CDH12: variants seen among roughly 807,000 people sequenced by gnomAD.
The protein encoded by CDH12 is cadherin-12.
A neutral mutation model predicts 74.1 loss-of-function variants in CDH12; 41 were observed. The observed-to-expected ratio is 0.55, with a 90% confidence interval of 0.43 to 0.72. The LOEUF (loss-of-function observed/expected upper bound fraction) is 0.72, where lower values mean the gene tolerates loss of function less well. Ranked by LOEUF, CDH12 falls within the 30% of genes least tolerant of loss-of-function variation. CDH12 has a pLI of 0.00. For missense variants in CDH12, 945 were observed against 977.2 expected (o/e 0.97, Z 0.44); for synonymous variants, 399 against 355.0 (o/e 1.12, Z -1.39).
intron 3 of CDH12, among the ~76,000 whole-genome samples, chr5:22,230,548 G>T (rs188935032): frequency 6.7e-6 from 1 of 149,016 alleles, no homozygotes; most frequent in African/African-American, 2.5e-5. Flanking sequence ...CTTGACTCAC[G>T]GCAACCTCCA....
At chr5:22,576,321 C>T (rs1024935624) in intron 1 of CDH12, among the ~76,000 whole-genome samples, 1 of 152,114 alleles carries the variant, frequency 6.6e-6, no homozygotes, top group Non-Finnish European at 1.5e-5. Flanking sequence ...ACATACTTCC[C>T]AAACCCTACC....
At chr5:22,606,352 C>T (rs1737116901) in intron 1 of CDH12, among the ~76,000 whole-genome samples, 1 of 152,198 alleles carries the variant, frequency 6.6e-6, no homozygotes, top group South Asian at 2.1e-4. Flanking sequence ...GATGTAGCCA[C>T]AACTGTACTG....
intron 1 of CDH12, among the ~76,000 whole-genome samples, chr5:22,774,557 A>G (rs1031888225): frequency 6.6e-6 from 1 of 152,002 alleles, no homozygotes; most frequent in African/African-American, 2.4e-5. Context: ...TTCTTGTGAT[A>G]TTTACTAAGT....
intron 1 of CDH12, among the ~76,000 whole-genome samples, chr5:22,637,813 G>A (rs752163547): frequency 3.3e-5 from 5 of 152,140 alleles, no homozygotes; most frequent in Non-Finnish European, 7.4e-5. Context: ...GAAATTCAGT[G>A]AGAAAAAAAT....
chr5:22,021,588 C>T (rs1309974032), intron 5 of CDH12, among the ~76,000 whole-genome samples: 1 of 152,148 alleles, frequency 6.6e-6, no homozygotes, highest in Non-Finnish European at 1.5e-5. Context: ...ACTCTGAGTA[C>T]TCGTACAACC....
chr5:22,399,666 C>T (rs1241041545), intron 3 of CDH12, among the ~76,000 whole-genome samples: 1 of 152,148 alleles, frequency 6.6e-6, no homozygotes. Flanking sequence ...GAATTAACTA[C>T]ACTGCCAGCA....
chr5:21,833,346 T>C (rs1749316525), intron 8 of CDH12, among the ~76,000 whole-genome samples: 1 of 68,492 alleles, frequency 1.5e-5, no homozygotes, highest in Non-Finnish European at 2.2e-5. Context: ...TTATATAACA[T>C]ATAATATATA....
At chr5:21,873,143 T>C (rs574518359) in intron 6 of CDH12, among the ~76,000 whole-genome samples, 2 of 152,244 alleles carry the variant, frequency 1.3e-5, no homozygotes, top group East Asian at 3.9e-4. Context: ...GTGGACAGTG[T>C]GGCAATCCTC....
chr5:22,230,473 ATTT>A (rs35066570), intron 3 of CDH12, among the ~76,000 whole-genome samples: 14 of 133,600 alleles, frequency 1.0e-4, no homozygotes, highest in African/African-American at 1.1e-4. Context: ...AGATGTCATA[ATTT>A]TTTTTTTTTT....
Position 22,270,020 on chromosome 5 carries a change from T to G in CDH12, c.-332-57377A>C, listed in dbSNP as rs760063738. On this transcript the variant is annotated intron_variant, in intron 3 of 14. Transcript: ENST00000382254. ...CATATTAATGTATTTTAAAGTAGCTTTTTCATGCTATGTCATCAGACTCAC... is the reference window on the plus strand; with the variant it reads ...CATATTAATGTATTTTAAAGTAGCTGTTTCATGCTATGTCATCAGACTCAC... Among the ~76,000 whole-genome samples the G allele has an allele frequency of 9.0e-4, 137 of 152,160 alleles. 3 individuals carry two copies. The highest frequency in any genetic ancestry group is 1.8e-4 in the Non-Finnish European group (12 of 68,024).
chr5:21,949,961 C>T (rs1442463434), intron 6 of CDH12, among the ~76,000 whole-genome samples: 3 of 152,286 alleles, frequency 2.0e-5, no homozygotes, highest in Non-Finnish European at 4.4e-5. Flanking sequence ...ATGCCCTAGG[C>T]ATTTACGCTC....
At chr5:22,067,599 G>C (rs7447939) in intron 5 of CDH12, among the ~76,000 whole-genome samples, 48,388 of 151,964 alleles carry the variant, frequency 0.32, 8,937 homozygotes, top group African/African-American at 0.51. Flanking sequence ...CAGGTCCAGT[G>C]GGGGGCAGTA....
At chr5:22,515,557 A>G (rs1406117659) in intron 1 of CDH12, among the ~76,000 whole-genome samples, 1 of 152,082 alleles carries the variant, frequency 6.6e-6, no homozygotes, top group Non-Finnish European at 1.5e-5. Context: ...CCCATTATTT[A>G]TAATTATTTA....
intron 4 of CDH12, among the ~76,000 whole-genome samples, chr5:22,162,558 C>A (rs376993387): frequency 1.3e-5 from 2 of 152,140 alleles, no homozygotes; most frequent in Non-Finnish European, 2.9e-5. Context: ...AGGCGTAAAC[C>A]AGACACAGGT....
At chr5:22,251,074 C>T (rs1294535706) in intron 3 of CDH12, among the ~76,000 whole-genome samples, 1 of 152,084 alleles carries the variant, frequency 6.6e-6, no homozygotes, top group Non-Finnish European at 1.5e-5. Context: ...AGAATGCAAA[C>T]CCAGAAGATA....
chr5:22,127,703 A>G (rs1745962476), intron 4 of CDH12, among the ~76,000 whole-genome samples: 1 of 152,178 alleles, frequency 6.6e-6, no homozygotes, highest in African/African-American at 2.4e-5. Context: ...CAGATAAATG[A>G]TTATGCAAAA....
chr5:21,763,767 T>C (rs1744854125), intron 12 of CDH12, among the ~76,000 whole-genome samples: 1 of 152,170 alleles, frequency 6.6e-6, no homozygotes, highest in Non-Finnish European at 1.5e-5. Context: ...AATGGCAACC[T>C]ACCACCACCT....
intron 12 of CDH12, among the ~76,000 whole-genome samples, chr5:21,764,767 A>C (rs1326354289): frequency 6.6e-6 from 1 of 152,170 alleles, no homozygotes; most frequent in African/African-American, 2.4e-5. Context: ...TTCACTAAGC[A>C]ATCAGTACTT....
chr5:22,015,571 A>C (rs1256749278), intron 5 of CDH12, among the ~76,000 whole-genome samples: 1 of 152,170 alleles, frequency 6.6e-6, no homozygotes, highest in African/African-American at 2.4e-5. Context: ...TTGCCCAGAC[A>C]TGGTTCAAGG....
Sources: allele counts gnomAD v4.1 joint callset (sites outside exome capture counted in the v4.1 genomes callset), GRCh38; gene constraint gnomAD v4.1.1; transcripts MANE v1.5; gene names NCBI Gene and HGNC (gene_info 2026-07-23, HGNC 2026-07-21).